Variants in DSCAM observed in about 807,000 individuals in gnomAD.
The protein encoded by DSCAM is cell adhesion molecule DSCAM.
Under a neutral mutation model 217.7 loss-of-function variants are expected in DSCAM, and 47 were observed. The ratio of observed to expected loss-of-function variants is 0.22; its 90% CI spans 0.17 to 0.28. DSCAM has a LOEUF of 0.28. Ranked by LOEUF, DSCAM falls within the 10% of genes least tolerant of loss-of-function variation. The pLI is 1.00. For missense variants in DSCAM, 2,080 were observed against 2,618.3 expected, an observed-to-expected ratio of 0.79 and a Z score of 4.49; for synonymous variants, 1,056 against 1,015.3, an observed-to-expected ratio of 1.04 and a Z score of -0.76.
chr21:40,216,399 C>A (rs759176373), intron 11 of DSCAM, among the ~76,000 whole-genome samples: 8 of 151,972 alleles, frequency 5.3e-5, no homozygotes, highest in Non-Finnish European at 1.2e-4. Context: ...CAGGCATGAA[C>A]AACTACACCC....
At chr21:40,753,503 A>G (rs2091247976) in intron 1 of DSCAM, among the ~76,000 whole-genome samples, 1 of 152,232 alleles carries the variant, frequency 6.6e-6, no homozygotes, top group African/African-American at 2.4e-5. Flanking sequence ...GATAAAATGG[A>G]CACACCTTTA....
At chr21:40,358,649 A>G (rs964092137) in intron 4 of DSCAM, among the ~76,000 whole-genome samples, 8 of 152,100 alleles carry the variant, frequency 5.3e-5, no homozygotes, top group Admixed American at 3.9e-4. Flanking sequence ...TCTACTAAAA[A>G]TACAAAAATT....
chr21:40,349,668 C>T (rs149461686), intron 5 of DSCAM, among the ~76,000 whole-genome samples: 8 of 152,042 alleles, frequency 5.3e-5, no homozygotes, highest in African/African-American at 1.5e-4. Context: ...TTATTGAGAG[C>T]GCTTAAATAA....
intron 10 of DSCAM, among the ~76,000 whole-genome samples, chr21:40,285,410 G>A (rs1316129118): frequency 2.0e-5 from 3 of 152,182 alleles, no homozygotes; most frequent in African/African-American, 7.2e-5. Flanking sequence ...AGAGCAAGAT[G>A]GGCCCCAGGG....
chr21:40,091,426 A>C (rs2089608105), intron 21 of DSCAM, among the ~76,000 whole-genome samples: 1 of 151,952 alleles, frequency 6.6e-6, no homozygotes, highest in African/African-American at 2.4e-5. Flanking sequence ...CCACCTGCTA[A>C]ATCTTTCTCT....
intron 1 of DSCAM, among the ~76,000 whole-genome samples, chr21:40,746,737 A>C (rs1035363545): frequency 2.0e-5 from 3 of 152,022 alleles, no homozygotes; most frequent in African/African-American, 4.8e-5. Context: ...AGACATTTAC[A>C]GAACTTTCCA....
At chr21:40,659,046 T>A (rs2090107288) in intron 3 of DSCAM, among the ~76,000 whole-genome samples, 2 of 152,122 alleles carry the variant, frequency 1.3e-5, no homozygotes, top group Non-Finnish European at 2.9e-5. Context: ...GGGAGGCATC[T>A]TGGGATACCA....
intron 3 of DSCAM, among the ~76,000 whole-genome samples, chr21:40,376,666 TATAG>T (rs1324917231): frequency 2.4e-5 from 3 of 126,514 alleles, no homozygotes; most frequent in Non-Finnish European, 4.8e-5. Context: ...ATATATCTTA[TATAG>T]ATATCTATAT....
At chr21:40,809,393 T>G (rs1454445366) in intron 1 of DSCAM, among the ~76,000 whole-genome samples, 1 of 152,140 alleles carries the variant, frequency 6.6e-6, no homozygotes, top group African/African-American at 2.4e-5. Context: ...TGACTTCAAA[T>G]AGGCATGAGA....
intron 1 of DSCAM, among the ~76,000 whole-genome samples, chr21:40,780,423 G>GTGTGTA (rs1007015659): frequency 1.8e-5 from 1 of 56,414 alleles, no homozygotes; most frequent in Admixed American, 2.1e-4. Context: ...GTGTGTGTGT[G>GTGTGTA]TATATATATA....
intron 3 of DSCAM, among the ~76,000 whole-genome samples, chr21:40,656,270 G>A (rs1013496716): frequency 5.3e-5 from 8 of 151,946 alleles, no homozygotes; most frequent in Admixed American, 1.3e-4. Context: ...CTTTCTTAAC[G>A]TTTCCATTTT....
At chr21:40,781,992 C>CAA (rs57750960) in intron 1 of DSCAM, among the ~76,000 whole-genome samples, 13,692 of 106,324 alleles carry the variant, frequency 0.13, 1,363 homozygotes, top group East Asian at 0.23. Flanking sequence ...ACTAAAAATA[C>CAA]AAAAAAAAAA....
intron 3 of DSCAM, among the ~76,000 whole-genome samples, chr21:40,521,573 TGC>T (rs927294811): frequency 4.6e-5 from 7 of 152,112 alleles, no homozygotes; most frequent in Non-Finnish European, 8.8e-5. Flanking sequence ...TAATTTTTTT[TGC>T]TGTCTTTTTG....
In DSCAM at chr21:40,474,542, G is replaced by A. The variant is rs561778725; in HGVS notation, c.509-105297C>T. Among the ~76,000 whole-genome samples, 48 of 152,214 alleles carry A rather than the reference G, an allele frequency of 3.2e-4. 1 individual carries two copies. In the South Asian group the frequency reaches 9.7e-3, roughly 31 times the overall value. On this transcript the variant is annotated intron_variant, in intron 3 of 32. Coordinates refer to ENST00000400454, the MANE Select transcript of DSCAM (RefSeq NM_001389.5). ...AATAGCTAAAAATGGAGCAGCAGCC[G>A]CGGGAGCTGCCGCCCTCCCCTTCCC...
At chr21:40,631,443 T>C (rs957930222) in intron 3 of DSCAM, among the ~76,000 whole-genome samples, 8 of 152,204 alleles carry the variant, frequency 5.3e-5, no homozygotes, top group African/African-American at 1.9e-4. Context: ...GTGTCTGAAT[T>C]CTGGGCATGG....
chr21:40,234,608 TCTC>T (rs539492214), intron 11 of DSCAM, among the ~76,000 whole-genome samples: 104 of 152,308 alleles, frequency 6.8e-4, no homozygotes, highest in African/African-American at 2.4e-3. Context: ...GTTTCCTGCT[TCTC>T]CTCTCTGTCT....
At chr21:40,117,001 CAAAAAAAAAAA>C (rs534100380) in intron 20 of DSCAM, among the ~76,000 whole-genome samples, 6 of 33,180 alleles carry the variant, frequency 1.8e-4, no homozygotes, top group Non-Finnish European at 3.3e-4. Flanking sequence ...GACTCTGTCT[CAAAAAAAAAAA>C]AAAAAAAAAA....
chr21:40,055,922 G>C, intron 28 of DSCAM, 82 bp from the exon 29 acceptor site: 1 of 992,302 alleles, frequency 1.0e-6, no homozygotes, highest in East Asian at 2.4e-5. Context: ...TACCAACTTA[G>C]TTTATTGTCT....
intron 1 of DSCAM, among the ~76,000 whole-genome samples, chr21:40,775,850 T>C (rs2091483496): frequency 1.3e-5 from 2 of 152,218 alleles, no homozygotes; most frequent in East Asian, 1.9e-4. Context: ...CTTTGGGCGA[T>C]TGCAAATGCG....
Sources: gnomAD v4.1 joint callset for allele counts (sites outside exome capture counted in the v4.1 genomes callset) on GRCh38, gnomAD v4.1.1 for gene constraint, MANE v1.5 for transcripts, NCBI Gene and HGNC (gene_info 2026-07-23, HGNC 2026-07-21) for gene names.